The following SET variants were observed in gnomAD, a reference collection of about 807,000 sequenced individuals.
The protein encoded by SET is protein SET.
SET carries 4 observed loss-of-function variants against 39.0 expected under a neutral mutation model. The ratio of observed to expected loss-of-function variants is 0.10; its 90% CI spans 0.05 to 0.23. SET has a LOEUF of 0.23. Among genes scored for constraint, SET ranks in the 10% least tolerant of loss-of-function variants. The pLI, the probability that SET is intolerant of heterozygous loss-of-function variation, is 1.00. For missense variants in SET, 137 were observed against 329.7 expected (o/e 0.42, Z 4.53); for synonymous variants, 114 against 115.9 (o/e 0.98, Z 0.11).
chr9:128,685,270 G>T, upstream of SET: 1 of 1,384,694 alleles, frequency 7.2e-7, no homozygotes, highest in Admixed American at 1.9e-5. Context: ...GGGATCCACA[G>T]TACTGATCTC....
At position 128,693,935 on chromosome 9, in the gene SET, G is replaced by A; in HGVS notation, c.703G>A (p.Asp235Asn). 6.5e-7 allele frequency: 1 copy of A among 1,535,306 alleles called. No homozygotes were observed. Among genetic ancestry groups the A allele is most frequent in the Non-Finnish European group, 9.0e-7 (1 of 1,110,738 alleles). Residue 235 changes from aspartate to asparagine, a missense_variant, in exon 7 of 8, where the codon GAT becomes AAT. By Grantham distance (23) the Asp-to-Asn change is conservative. Around this residue, in one of 3 missense-constraint regions of SET, gnomAD observed 44 missense variants for 63.0 expected, o/e 0.70. Coordinates refer to ENST00000322030, the MANE Select transcript of SET (RefSeq NM_003011.4). ...TGATGAAGAAGGAGAAGGAGAAGAA[G>A]ATGATGATGATGATGAAGAGGAGGA... is the stretch of plus-strand genomic sequence containing the variant. Reference protein sequence around the residue: ...MDDEEGEGEEDDDDDEEEEGL... With the variant: ...MDDEEGEGEENDDDDEEEEGL...
chr9:128,691,551 T>A (rs891002317), intron 2 of SET, among the ~76,000 whole-genome samples: 4 of 152,232 alleles, frequency 2.6e-5, no homozygotes, highest in Admixed American at 1.3e-4. Flanking sequence ...TTAGCCACTT[T>A]ATTTAGAAAT....
Position 128,689,480 on chromosome 9 carries a change from G to T in SET, c.-103G>T. 1.6e-6 allele frequency: 1 copy of T among 636,298 alleles called. No homozygotes were observed. Among genetic ancestry groups the T allele is most frequent in the African/African-American group, 2.0e-5 (1 of 51,144 alleles). 39.4% of individuals were successfully genotyped at this position (636,298 alleles called of 1,614,324 possible). On this transcript the variant is annotated 5_prime_UTR_variant, in exon 1 of 8. Coordinates refer to ENST00000322030, the MANE Select transcript of SET (RefSeq NM_003011.4). ...CGCCGGGAGGAGGCGGCCGGACCGAGCGGGCGCCCGCGCGTGTGGCGTGAG... is the reference window on the plus strand; with the variant it reads ...CGCCGGGAGGAGGCGGCCGGACCGATCGGGCGCCCGCGCGTGTGGCGTGAG...
At chr9:128,684,356 G>A (rs117198058), upstream of SET, among the ~76,000 whole-genome samples, 1,124 of 152,176 alleles carry the variant, frequency 7.4e-3, 16 homozygotes, top group East Asian at 0.054. Context: ...CCGATTCCTG[G>A]TGGTTCTACC....
Position 128,692,587 on chromosome 9 carries a change from T to G in SET, c.275-75T>G, listed in dbSNP as rs1861587781. 2.4e-5 allele frequency: 25 copies of G among 1,028,150 alleles called. No individual in the cohort carries two copies. In the South Asian group the frequency reaches 2.9e-4, roughly 12 times the overall value. The allele number at this position is 1,028,150 out of a possible 1,614,324, so 63.7% of individuals were successfully genotyped here. A position where few individuals can be genotyped will look rare whatever the true frequency, so the allele number is the denominator to read the frequency against. On this transcript the variant is annotated intron_variant, in intron 3 of 7. Coordinates refer to ENST00000322030, the MANE Select transcript of SET (RefSeq NM_003011.4). ...AGATGCTCACTAAGTTCGGAAAAAT[T>G]TTAAAGGGATCACTTAAATTGTTGT...
intron 7 of SET, 133 bp from the exon 8 acceptor site, chr9:128,694,508 T>C (rs902618028): frequency 1.8e-6 from 1 of 561,198 alleles, no homozygotes; most frequent in Non-Finnish European, 3.2e-6. Context: ...CACGGGTGTT[T>C]CCTTCGATGC....
upstream of SET, among the ~76,000 whole-genome samples, chr9:128,686,029 C>CAAA (rs563113705): frequency 1.4e-5 from 2 of 139,944 alleles, no homozygotes; most frequent in African/African-American, 5.2e-5. Flanking sequence ...ACAACAACAA[C>CAAA]AAAAAAAAAA....
rs755511873 is a variant in SET at position 128,691,843 on chromosome 9, T to G, written c.132-15T>G. On this transcript the variant is annotated splice_polypyrimidine_tract_variant and intron_variant, in intron 2 of 7. Transcript: ENST00000322030. ...AAATACTATCATTGTCAACATCTCTTTTCATTTGCTTCAGACTTAATGAAC... is the reference window on the plus strand; with the variant it reads ...AAATACTATCATTGTCAACATCTCTGTTCATTTGCTTCAGACTTAATGAAC... The G allele has an allele frequency of 6.2e-7, 1 of 1,602,932 alleles. No individual in the cohort carries two copies. Among genetic ancestry groups the G allele is most frequent in the Non-Finnish European group, 8.5e-7 (1 of 1,174,734 alleles).
upstream of SET, chr9:128,685,101 G>A: frequency 1.3e-6 from 2 of 1,550,532 alleles, no homozygotes; most frequent in Non-Finnish European, 8.7e-7. Context: ...CTGAGGAGGA[G>A]TCCTACCTCA....
intron 2 of SET, among the ~76,000 whole-genome samples, chr9:128,691,577 C>T (rs898402791): frequency 3.3e-5 from 5 of 152,118 alleles, no homozygotes; most frequent in African/African-American, 1.2e-4. Flanking sequence ...TTGAGGGAAA[C>T]AATTGAAATT....
chr9:128,692,634 T>A lies in SET; in HGVS notation c.275-28T>A, dbSNP rs771956484. ...TTGTTAGTGTGTGCCTGTTGAAAAT[T>A]CAGCTGACCTGTAATTTTCTGGCCT... On this transcript the variant is annotated intron_variant, in intron 3 of 7. Transcript: ENST00000322030. 4.1e-6 allele frequency: 6 copies of A among 1,470,900 alleles called. No individual in the cohort carries two copies. In the Admixed American group the frequency reaches 8.4e-5, roughly 21 times the overall value. 91.1% of individuals were successfully genotyped at this position (1,470,900 alleles called of 1,614,324 possible).
chr9:128,690,026 G>A (rs1024856362), intron 1 of SET: 3 of 1,038,096 alleles, frequency 2.9e-6, no homozygotes, highest in African/African-American at 3.5e-5. Context: ...GCCGCCACAT[G>A]GTGCGGCCGG....
upstream of SET, chr9:128,685,359 G>C (rs1474946602): frequency 4.4e-6 from 3 of 682,988 alleles, no homozygotes; most frequent in Admixed American, 2.6e-5. Flanking sequence ...GAGTGCATTT[G>C]TGCGCAGCAA....
upstream of SET, among the ~76,000 whole-genome samples, chr9:128,684,533 C>T (rs908486719): frequency 1.3e-5 from 2 of 152,114 alleles, no homozygotes; most frequent in African/African-American, 4.8e-5. Flanking sequence ...CGGCTTAAAC[C>T]CCTCCCTTGC....
At chr9:128,687,061 A>G (rs1430189780), upstream of SET, among the ~76,000 whole-genome samples, 1 of 152,176 alleles carries the variant, frequency 6.6e-6, no homozygotes, top group Non-Finnish European at 1.5e-5. Context: ...CTTGCAACAA[A>G]GTTTAGTTTA....
upstream of SET, among the ~76,000 whole-genome samples, chr9:128,684,509 C>T (rs564535150): frequency 7.9e-5 from 12 of 152,198 alleles, no homozygotes; most frequent in African/African-American, 2.9e-4. Context: ...TAGCCAATCA[C>T]GTGGCCCACT....
At chr9:128,688,417 C>T (rs1861362032), upstream of SET, among the ~76,000 whole-genome samples, 1 of 152,108 alleles carries the variant, frequency 6.6e-6, no homozygotes, top group Admixed American at 6.6e-5. Context: ...AACAGAACAC[C>T]GCCTATCGCT....
At chr9:128,689,145 G>C (rs1253405196), upstream of SET, 1 of 453,406 alleles carries the variant, frequency 2.2e-6, no homozygotes, top group East Asian at 1.4e-4. Flanking sequence ...CCAGGCCAAT[G>C]GCGCCGCGGC....
At position 128,689,949 on chromosome 9, in the gene SET, C is replaced by T. The variant is rs1400463900; in HGVS notation, c.73+294C>T. On this transcript the variant is annotated intron_variant, in intron 1 of 7. Transcript: ENST00000322030. ...CCCCTCCCTCGCTCTCCTCCCCCTCCCTCCCTCCCGAGAAGCCTCTCTTTA... is the reference window on the plus strand; with the variant it reads ...CCCCTCCCTCGCTCTCCTCCCCCTCTCTCCCTCCCGAGAAGCCTCTCTTTA... 12 of 474,586 alleles carry T rather than the reference C, an allele frequency of 2.5e-5. 1 individual carries two copies. Among genetic ancestry groups the T allele is most frequent in the African/African-American group, 1.3e-4 (6 of 46,334 alleles). The allele number at this position is 474,586 out of a possible 1,614,324, so 29.4% of individuals were successfully genotyped here. A position where few individuals can be genotyped will look rare whatever the true frequency, so the allele number is the denominator to read the frequency against.
Sources: gnomAD v4.1 joint callset for allele counts (sites outside exome capture counted in the v4.1 genomes callset) on GRCh38, gnomAD v4.1.1 for gene constraint, gnomAD v4.1.1 regional missense constraint, MANE v1.5 for transcripts, NCBI Gene and HGNC (gene_info 2026-07-23, HGNC 2026-07-21) for gene names.